The following FAM124A variants were observed in gnomAD, a reference collection of about 807,000 sequenced individuals.
The protein encoded by FAM124A is protein FAM124A.
A neutral mutation model predicts 24.5 loss-of-function variants in FAM124A; 23 were observed. The ratio of observed to expected loss-of-function variants is 0.94; its 90% CI spans 0.68 to 1.33. The LOEUF (loss-of-function observed/expected upper bound fraction) is 1.33. FAM124A is among the 40% of genes most tolerant of loss of function. The pLI is 0.00. For missense variants in FAM124A, 623 were observed against 722.8 expected, an observed-to-expected ratio of 0.86 and a Z score of 1.58; for synonymous variants, 287 against 314.7, an observed-to-expected ratio of 0.91 and a Z score of 0.93.
chr13:51,231,339 G>A lies in FAM124A; in HGVS notation c.69-9G>A. On this transcript the variant is annotated splice_polypyrimidine_tract_variant and intron_variant, in intron 1 of 3. Transcript: ENST00000322475. ...AGAATTCTACTAACGCTGAGGTCTTGTGTTTCAGGTCCGACTACAGCCACC... is the reference window on the plus strand; with the variant it reads ...AGAATTCTACTAACGCTGAGGTCTTATGTTTCAGGTCCGACTACAGCCACC... 1.9e-6 allele frequency: 3 copies of A among 1,613,752 alleles called. No homozygotes were observed. The highest frequency in any genetic ancestry group is 1.7e-6 in the Non-Finnish European group (2 of 1,179,916).
At position 51,257,886 on chromosome 13, in the gene FAM124A, T is replaced by G. The variant is rs569803890; in HGVS notation, c.834+5685T>G. ...TTCTTCTCACACACTTAATCACTTT[T>G]CTAAGTTTTTGTCTTGGTTTTAACA... On this transcript the variant is annotated intron_variant, in intron 3 of 3. Transcript: ENST00000322475. Among the ~76,000 whole-genome samples, 3 of 152,328 alleles carry G rather than the reference T, an allele frequency of 2.0e-5. No individual in the cohort carries two copies. The East Asian group carries it at 5.8e-4, about 29-fold the overall frequency.
At chr13:51,229,016 A>G (rs1253568329) in intron 1 of FAM124A, among the ~76,000 whole-genome samples, 1 of 152,254 alleles carries the variant, frequency 6.6e-6, no homozygotes, top group Non-Finnish European at 1.5e-5. Flanking sequence ...GCAGCATGTT[A>G]TGATGGTATC....
At chr13:51,250,183 A>G (rs1010401923) in intron 2 of FAM124A, among the ~76,000 whole-genome samples, 2 of 152,050 alleles carry the variant, frequency 1.3e-5, no homozygotes, top group Non-Finnish European at 2.9e-5. Context: ...ATGTCTACCT[A>G]CCATAAAAAA....
chr13:51,256,472 A>G (rs1306244767), intron 3 of FAM124A, among the ~76,000 whole-genome samples: 2 of 152,218 alleles, frequency 1.3e-5, no homozygotes. Flanking sequence ...TGCCAGGCAG[A>G]GAGGCCTGGG....
At chr13:51,266,098 G>A (rs746350851) in intron 3 of FAM124A, among the ~76,000 whole-genome samples, 9 of 152,068 alleles carry the variant, frequency 5.9e-5, no homozygotes, top group African/African-American at 1.4e-4. Flanking sequence ...TAACACTTTC[G>A]GATGTTTGAA....
intron 3 of FAM124A, among the ~76,000 whole-genome samples, chr13:51,279,588 G>A (rs1305054284): frequency 1.3e-5 from 2 of 152,148 alleles, no homozygotes; most frequent in African/African-American, 2.4e-5. Context: ...AGCAGACCCT[G>A]GTGCAAATGC....
intron 3 of FAM124A, among the ~76,000 whole-genome samples, chr13:51,275,299 GC>G (rs1309769204): frequency 6.6e-6 from 1 of 152,106 alleles, no homozygotes; most frequent in Non-Finnish European, 1.5e-5. Context: ...GATCACATGA[GC>G]CCAGGAGTTT....
At position 51,251,028 on chromosome 13, in the gene FAM124A, G is replaced by C. The variant is rs1367916689; in HGVS notation, c.101-440G>C. ...AACCAGAGGAGTGCGTTTGTGTAGG[G>C]AACATGTATGGGGCAAGGCCCTGCA... On this transcript the variant is annotated intron_variant, in intron 2 of 3. Transcript: ENST00000322475. This position sits in a 1 kb window ranked among gnomAD's most constrained non-coding sequence, Gnocchi z 5.3. Among the ~76,000 whole-genome samples the C allele has an allele frequency of 2.0e-5, 3 of 152,218 alleles. No individual in the cohort carries two copies. Among genetic ancestry groups the C allele is most frequent in the African/African-American group, 7.2e-5 (3 of 41,452 alleles).
chr13:51,252,331 C>G, intron 3 of FAM124A, 130 bp downstream of exon 3: 1 of 1,314,882 alleles, frequency 7.6e-7, no homozygotes, highest in Non-Finnish European at 1.0e-6. Context: ...TGCCCAGCTC[C>G]TAGTCGAAGT....
intron 1 of FAM124A, among the ~76,000 whole-genome samples, chr13:51,226,587 C>T (rs1220941194): frequency 2.6e-5 from 4 of 152,154 alleles, no homozygotes; most frequent in African/African-American, 9.7e-5. Context: ...CGCAGCAATG[C>T]TCAACTACCT....
chr13:51,276,700 T>G (rs570836982), intron 3 of FAM124A, among the ~76,000 whole-genome samples: 15 of 152,338 alleles, frequency 9.8e-5, no homozygotes, highest in Non-Finnish European at 1.9e-4. Context: ...CAAAACATGG[T>G]ATTTTTCTTT....
intron 3 of FAM124A, among the ~76,000 whole-genome samples, chr13:51,255,631 G>A (rs1280903304): frequency 6.6e-6 from 1 of 152,216 alleles, no homozygotes; most frequent in African/African-American, 2.4e-5. Flanking sequence ...AGTCCCCCCA[G>A]CATCTCACAT....
intron 3 of FAM124A, 99 bp from the exon 4 acceptor site, chr13:51,280,351 A>G (rs962989693): frequency 8.4e-6 from 9 of 1,075,152 alleles, no homozygotes; most frequent in African/African-American, 3.2e-5. Flanking sequence ...CTTTATTGCC[A>G]TGACATTGCC....
intron 2 of FAM124A, among the ~76,000 whole-genome samples, chr13:51,237,395 A>G (rs1954445591): frequency 6.6e-6 from 1 of 152,076 alleles, no homozygotes; most frequent in African/African-American, 2.4e-5. Flanking sequence ...TGAGCATGCA[A>G]CTTCCAGCCA....
rs201937112 is a variant in FAM124A, at chr13:51,251,949, C to T, written c.582C>T (p.Leu194=). ...ADSLRFYQLI[L]RRSPSQKKAD... ...GCCTCAGGTTCTACCAGCTGATTCT[C>T]CGGAGGAGCCCCAGCCAGAAGAAAG... Residue 194 remains leucine (L), a synonymous_variant, in exon 3 of 4, where the codon CTC becomes CTT. Transcript: ENST00000322475. The surrounding 1 kb of genome is among the most constrained non-coding windows in gnomAD (Gnocchi z 5.3). The T allele has an allele frequency of 9.9e-6, 16 of 1,614,126 alleles. No homozygotes were observed. The highest frequency in any genetic ancestry group is 2.7e-5 in the African/African-American group (2 of 74,948).
At chr13:51,239,931 G>A (rs910568938) in intron 2 of FAM124A, among the ~76,000 whole-genome samples, 1 of 152,166 alleles carries the variant, frequency 6.6e-6, no homozygotes, top group Non-Finnish European at 1.5e-5. Flanking sequence ...AGAACCACAG[G>A]GAAATCTTTT....
At chr13:51,245,072 GA>G (rs1238425441) in intron 2 of FAM124A, among the ~76,000 whole-genome samples, 1 of 152,254 alleles carries the variant, frequency 6.6e-6, no homozygotes, top group African/African-American at 2.4e-5. Flanking sequence ...GCGAAAGAAA[GA>G]GAAAGGCTAT....
In FAM124A at chr13:51,280,670, A is replaced by G. The variant is rs771321051; in HGVS notation, c.1055A>G (p.Asn352Ser). ...EFAGRANSTPNPPWSFQRSKS... is the reference protein window; with the variant it reads ...EFAGRANSTPSPPWSFQRSKS... ...GCCGGACGAGCCAACAGCACCCCCA[A>G]CCCTCCCTGGTCTTTCCAGAGAAGC... Residue 352 changes from asparagine to serine, a missense_variant, in exon 4 of 4, where the codon AAC becomes AGC. By Grantham distance (46) the Asn-to-Ser change is conservative. Transcript: ENST00000322475. 4.3e-6 allele frequency: 7 copies of G among 1,613,606 alleles called. No individual in the cohort carries two copies. The highest frequency in any genetic ancestry group is 1.7e-5 in the Admixed American group (1 of 59,980).
At position 51,252,133 on chromosome 13, in the gene FAM124A, C is replaced by A. The variant is rs1237871397; in HGVS notation, c.766C>A (p.Pro256Thr). 6.2e-7 allele frequency: 1 copy of A among 1,613,860 alleles called. No individual in the cohort carries two copies. Among genetic ancestry groups the A allele is most frequent in the Admixed American group, 1.7e-5 (1 of 60,014 alleles). The change falls in exon 3 of 4, where the codon CCT becomes ACT. Residue 256 changes from proline (P) to threonine (T), a missense_variant. By Grantham distance (38) the Pro-to-Thr change is conservative. Transcript: ENST00000322475. ...CGAGCTCGTGCCTCTCCTGCCCAAC[C>A]CTTGCAGCCCCATCAGCGAGGGGCG... Reference protein sequence around the residue: ...IGELVPLLPNPCSPISEGRWQ... With the variant: ...IGELVPLLPNTCSPISEGRWQ...
Sources: allele counts gnomAD v4.1 joint callset (sites outside exome capture counted in the v4.1 genomes callset), GRCh38; gene constraint gnomAD v4.1.1; non-coding constraint Gnocchi (gnomAD v3.1); transcripts MANE v1.5; gene names NCBI Gene and HGNC (gene_info 2026-07-23, HGNC 2026-07-21).